Variants in TBX18 observed in about 807,000 individuals in gnomAD.
TBX18 encodes the protein T-box transcription factor TBX18.
A neutral mutation model predicts 55.0 loss-of-function variants in TBX18; 21 were observed. The ratio of observed to expected loss-of-function variants is 0.38; its 90% CI spans 0.27 to 0.55. The LOEUF is 0.55. Ranked by LOEUF, TBX18 falls within the 20% of genes least tolerant of loss-of-function variation. The pLI, the probability that TBX18 is intolerant of heterozygous loss-of-function variation, is 0.73. For missense variants in TBX18, 840 were observed against 799.6 expected, an observed-to-expected ratio of 1.05 and a Z score of -0.61; for synonymous variants, 342 against 326.1, an observed-to-expected ratio of 1.05 and a Z score of -0.53.
At position 84,737,109 on chromosome 6, in the gene TBX18, T is replaced by C; in HGVS notation, c.1400A>G (p.Asn467Ser). The change falls in exon 8 of 8, where the codon AAC (asparagine) becomes AGC (serine). Residue 467 changes from asparagine (N) to serine (S), a missense_variant. Transcript: ENST00000369663. ...CCCATCAGTGCCACCCATGGACATG[T>C]TCACGGAGGTGCTGCTGCTCACGCC... ...YVGVSSSTSVNMSMGGTDGDT... is the reference protein window; with the variant it reads ...YVGVSSSTSVSMSMGGTDGDT... 6.2e-7 allele frequency: 1 copy of C among 1,614,158 alleles called. No individual in the cohort carries two copies. Among genetic ancestry groups the C allele is most frequent in the South Asian group, 1.1e-5 (1 of 91,072 alleles).
chr6:84,745,431 T>C (rs989449749), intron 5 of TBX18, among the ~76,000 whole-genome samples: 1 of 152,158 alleles, frequency 6.6e-6, no homozygotes, highest in Non-Finnish European at 1.5e-5. Context: ...TTACACCATC[T>C]TGGCTAAGGA....
chr6:84,762,527 G>A lies in TBX18; in HGVS notation c.497+17C>T, dbSNP rs199910592. ...GTCTGGGGTAGGGAGGGGCGTCCAC[G>A]CCAGCTTGCCCATTACCTGCCGGCC... On this transcript the variant is annotated intron_variant, in intron 2 of 7. Coordinates refer to ENST00000369663, the MANE Select transcript of TBX18 (RefSeq NM_001080508.3). 1.9e-6 allele frequency: 3 copies of A among 1,613,674 alleles called. No individual in the cohort carries two copies. The highest frequency in any genetic ancestry group is 2.2e-5 in the South Asian group (2 of 91,086).
At position 84,744,399 on chromosome 6, in the gene TBX18, A is replaced by C. The variant is rs1582069726; in HGVS notation, c.940-74T>G. The C allele has an allele frequency of 4.6e-6, 6 of 1,307,370 alleles. No individual in the cohort carries two copies. The East Asian group carries it at 1.4e-4, about 31-fold the overall frequency. The allele number at this position is 1,307,370 out of a possible 1,614,324, so 81.0% of individuals were successfully genotyped here. A position where few individuals can be genotyped will look rare whatever the true frequency, so the allele number is the denominator to read the frequency against. ...AGTTTTTACTTGGTTGCAAAACTAC[A>C]ATGAGTCAAAAGTTAACTGTTAGAG... On this transcript the variant is annotated intron_variant, in intron 5 of 7. Transcript: ENST00000369663.
At position 84,764,570 on chromosome 6, in the gene TBX18, C is replaced by T. The variant is rs1372551898; in HGVS notation, c.-389G>A. 1 of 176,910 alleles carries T rather than the reference C, an allele frequency of 5.7e-6. No individual in the cohort carries two copies. Among genetic ancestry groups the T allele is most frequent in the Non-Finnish European group, 1.2e-5 (1 of 85,116 alleles). The allele number at this position is 176,910 out of a possible 1,614,324, so 11.0% of individuals were successfully genotyped here. ...TGTAATTGAAATTTGTTGCCTTGATCTGTCAGCACTTCCAGGCAGGAGAGC... is the reference window on the plus strand; with the variant it reads ...TGTAATTGAAATTTGTTGCCTTGATTTGTCAGCACTTCCAGGCAGGAGAGC... On this transcript the variant is annotated 5_prime_UTR_variant, in exon 1 of 8. Transcript: ENST00000369663.
At chr6:84,749,410 T>C (rs2127876288) in intron 4 of TBX18, among the ~76,000 whole-genome samples, 1 of 152,300 alleles carries the variant, frequency 6.6e-6, no homozygotes, top group Middle Eastern at 3.4e-3. Context: ...CAGATTGTCC[T>C]ACATCTGGAA....
chr6:84,749,549 A>G (rs945109642), intron 4 of TBX18, among the ~76,000 whole-genome samples: 1 of 151,126 alleles, frequency 6.6e-6, no homozygotes, highest in African/African-American at 2.4e-5. Context: ...TAGGTAGCAC[A>G]TGATCATGCC....
chr6:84,741,080 T>C (rs1172200041), intron 6 of TBX18: 1 of 152,248 alleles, frequency 6.6e-6, no homozygotes, highest in East Asian at 1.9e-4. Flanking sequence ...GGCTGCTGTT[T>C]CACACTACAA....
Position 84,764,422 on chromosome 6 carries a change from A to C in TBX18, c.-241T>G. 2 of 506,638 alleles carry C rather than the reference A, an allele frequency of 3.9e-6. No individual in the cohort carries two copies. Among genetic ancestry groups the C allele is most frequent in the South Asian group, 3.6e-5 (1 of 27,966 alleles). 31.4% of individuals were successfully genotyped at this position (506,638 alleles called of 1,614,324 possible). ...CTGGGTCTCTCTCGCGCGCTCTCTC[A>C]CTGATGCACTCCTTTGCTCCCACCC... On this transcript the variant is annotated 5_prime_UTR_variant, in exon 1 of 8. The change abolishes the stop of an existing upstream ORF in the 5' untranslated region. Coordinates refer to ENST00000369663, the MANE Select transcript of TBX18 (RefSeq NM_001080508.3).
chr6:84,755,363 T>G (rs1767460130), intron 4 of TBX18, among the ~76,000 whole-genome samples: 1 of 152,186 alleles, frequency 6.6e-6, no homozygotes, highest in African/African-American at 2.4e-5. Flanking sequence ...CTTAAGGTTT[T>G]GATAACAAGT....
intron 3 of TBX18, among the ~76,000 whole-genome samples, chr6:84,758,080 T>C (rs1767542888): frequency 6.6e-6 from 1 of 152,092 alleles, no homozygotes; most frequent in Non-Finnish European, 1.5e-5. Context: ...TGGGAAAACA[T>C]ATACAATCAT....
chr6:84,760,520 T>C (rs576219662), intron 2 of TBX18, among the ~76,000 whole-genome samples, 164 bp from the exon 3 acceptor site: 1 of 152,306 alleles, frequency 6.6e-6, no homozygotes, highest in African/African-American at 2.4e-5. Flanking sequence ...ATAGAACATA[T>C]CAGAACTGAG....
chr6:84,750,452 T>C (rs1188446473), intron 4 of TBX18, among the ~76,000 whole-genome samples: 1 of 152,178 alleles, frequency 6.6e-6, no homozygotes, highest in Admixed American at 6.5e-5. Flanking sequence ...GAGGTCTATT[T>C]ACCGCCCTCC....
rs2127868923 is a variant in TBX18, at chr6:84,733,442, A to T, written c.*3243T>A. ...TGAGCCAATAAATTTCTCATGAGGA[A>T]ATAACACTGTGTTACACTTTGCAAC... On this transcript the variant is annotated 3_prime_UTR_variant, in exon 8 of 8. Coordinates refer to ENST00000369663, the MANE Select transcript of TBX18 (RefSeq NM_001080508.3). 6.6e-6 allele frequency: 1 copy of T among 152,316 alleles called. No individual in the cohort carries two copies. 9.4% of individuals were successfully genotyped at this position (152,316 alleles called of 1,614,324 possible).
At position 84,736,977 on chromosome 6, in the gene TBX18, T is replaced by C; in HGVS notation, c.1532A>G (p.Asn511Ser). ...ATTATAGGAACCCTGATGGGTCTGG[T>C]TAGTGGCGAAGGCATTGCTGGAGGG... ...PSPSSNAFAT[N>S]QTHQGSYNTF... The change falls in exon 8 of 8, where the codon AAC becomes AGC. Residue 511 changes from asparagine to serine, a missense_variant. Physicochemically the swap from Asn to Ser is conservative, Grantham distance 46. Coordinates refer to ENST00000369663, the MANE Select transcript of TBX18 (RefSeq NM_001080508.3). 1.2e-6 allele frequency: 2 copies of C among 1,611,406 alleles called. No homozygotes were observed. The highest frequency in any genetic ancestry group is 1.3e-5 in the African/African-American group (1 of 75,030).
intron 6 of TBX18, 144 bp downstream of exon 6, chr6:84,744,117 G>C: frequency 1.3e-6 from 1 of 743,114 alleles, no homozygotes; most frequent in Non-Finnish European, 2.2e-6. Context: ...ACAAAAATAA[G>C]TTATCTCCGA....
intron 4 of TBX18, among the ~76,000 whole-genome samples, chr6:84,752,256 G>C (rs1022805263): frequency 2.6e-5 from 4 of 151,924 alleles, no homozygotes; most frequent in African/African-American, 9.7e-5. Context: ...CTGACAGAAA[G>C]GCAACTGTGT....
At chr6:84,757,378 G>A (rs534274755) in intron 3 of TBX18, among the ~76,000 whole-genome samples, 1 of 152,250 alleles carries the variant, frequency 6.6e-6, no homozygotes, top group African/African-American at 2.4e-5. Flanking sequence ...AGAAGTTCTA[G>A]AAACTTTTAT....
chr6:84,763,114 G>T, intron 1 of TBX18: 1 of 398,300 alleles, frequency 2.5e-6, no homozygotes, highest in South Asian at 2.3e-5. Flanking sequence ...GGAGCTCCCG[G>T]GTCCAGAGTC....
At position 84,739,019 on chromosome 6, in the gene TBX18, G is replaced by C. The variant is rs1766971509; in HGVS notation, c.1005-428C>G. Among the ~76,000 whole-genome samples, 6 of 152,130 alleles carry C rather than the reference G, an allele frequency of 3.9e-5. No individual in the cohort carries two copies. In the South Asian group the frequency reaches 1.2e-3, roughly 32 times the overall value. ...ACAAAAGCACATTCCTAGAAAACCA[G>C]CTCTTTTCTAAGGGTCATTACTGCC... On this transcript the variant is annotated intron_variant, in intron 6 of 7. Transcript: ENST00000369663.
Sources: gnomAD v4.1 joint callset for allele counts (sites outside exome capture counted in the v4.1 genomes callset) on GRCh38, gnomAD v4.1.1 for gene constraint, MANE v1.5 for transcripts, NCBI Gene and HGNC (gene_info 2026-07-23, HGNC 2026-07-21) for gene names.